Variants in FRYL observed in about 807,000 individuals in gnomAD.
FRYL encodes FRY like transcription coactivator.
A neutral mutation model predicts 351.2 loss-of-function variants in FRYL; 150 were observed. The observed-to-expected ratio is 0.43, with a 90% CI of 0.37 to 0.49. The LOEUF (loss-of-function observed/expected upper bound fraction) is 0.49. Ranked by LOEUF, FRYL falls within the 20% of genes least tolerant of loss-of-function variation. The pLI, the probability that FRYL is intolerant of heterozygous loss-of-function variation, is 0.00. For synonymous variants in FRYL, 1,153 were observed against 1,257.1 expected (o/e 0.92, Z 1.75); for missense variants, 3,036 against 3,619.3 (o/e 0.84, Z 4.13).
intron 1 of FRYL, among the ~76,000 whole-genome samples, chr4:48,772,554 G>A (rs1775619845): frequency 6.6e-6 from 1 of 151,886 alleles, no homozygotes; most frequent in Admixed American, 6.6e-5. Flanking sequence ...CAGTATTATA[G>A]ATGGCATAAC....
intron 2 of FRYL, among the ~76,000 whole-genome samples, chr4:48,687,509 A>AGGGGGGGGGGGGGGGGGGGGGGGGGGG (rs1560861203): frequency 2.0e-4 from 2 of 9,808 alleles, no homozygotes; most frequent in African/African-American, 7.0e-4. Flanking sequence ...GGGGGGGGTG[A>AGGGGGGGGGGGGGGGGGGGGGGGGGGG]GGGGGGAGGG....
At chr4:48,714,971 T>C (rs966279587) in intron 1 of FRYL, among the ~76,000 whole-genome samples, 4 of 151,714 alleles carry the variant, frequency 2.6e-5, no homozygotes, top group African/African-American at 9.7e-5. Context: ...GTTCAATATA[T>C]GCAAATCAAT....
chr4:48,632,108 A>ATATGTATATG lies in FRYL; in HGVS notation c.120+2182_120+2183insCATATACATA, dbSNP rs1553957663. On this transcript the variant is annotated intron_variant, in intron 4 of 63. Transcript: ENST00000358350. The stretch of plus-strand genomic sequence containing the variant: ...AAAAAAAAAATATATATATATATAT[A>ATATGTATATG]TATATATATATATATATATATGCGC... Among the ~76,000 whole-genome samples, 205 of 64,344 alleles carry ATATGTATATG rather than the reference A, an allele frequency of 3.2e-3. 5 individuals carry two copies. Among genetic ancestry groups the ATATGTATATG allele is most frequent in the Non-Finnish European group, 6.3e-3 (185 of 29,442 alleles). 42.2% of individuals were successfully genotyped at this position (64,344 alleles called of 152,430 possible).
At chr4:48,614,643 A>G (rs1748970469) in intron 7 of FRYL, among the ~76,000 whole-genome samples, 1 of 144,004 alleles carries the variant, frequency 6.9e-6, no homozygotes, top group Non-Finnish European at 1.5e-5. Context: ...AACTGCTTGA[A>G]TCAGGGAGGC....
In FRYL at chr4:48,548,777, T is replaced by C; in HGVS notation, c.4801A>G (p.Ile1601Val). ...LPLHRCNIAV[I>V]LLTDLIIDHS... is the part of the protein sequence containing the mutation. ...TCAATGATGAGATCAGTCAAAAGGA[T>C]CACTGCTATGTTACACCTATGACAA... is the stretch of plus-strand genomic sequence containing the variant. Residue 1601 changes from isoleucine (I) to valine (V), a missense_variant, in exon 40 of 64, where the codon ATC becomes GTC. Transcript: ENST00000358350. 6.2e-7 allele frequency: 1 copy of C among 1,605,834 alleles called. No homozygotes were observed.
intron 1 of FRYL, among the ~76,000 whole-genome samples, chr4:48,744,420 A>G (rs2149653668): frequency 6.6e-6 from 1 of 152,368 alleles, no homozygotes; most frequent in East Asian, 1.9e-4. Context: ...TGACAAGGAA[A>G]AAAATGTTAA....
At chr4:48,519,653 C>A (rs1392303207) in intron 55 of FRYL, among the ~76,000 whole-genome samples, 1 of 151,542 alleles carries the variant, frequency 6.6e-6, no homozygotes, top group Non-Finnish European at 1.5e-5. Flanking sequence ...CAGGTGCATG[C>A]CACCAGGCCC....
At chr4:48,635,391 G>C (rs992278280) in intron 3 of FRYL, among the ~76,000 whole-genome samples, 1 of 152,044 alleles carries the variant, frequency 6.6e-6, no homozygotes, top group Non-Finnish European at 1.5e-5. Context: ...CAACAGCACA[G>C]GAAAAAAAGC....
chr4:48,612,693 C>T (rs1046634974), intron 7 of FRYL, among the ~76,000 whole-genome samples: 1 of 152,184 alleles, frequency 6.6e-6, no homozygotes, highest in Admixed American at 6.5e-5. Context: ...ATTCTCCTGC[C>T]TCAGCCTCCC....
At chr4:48,690,416 ACTTT>A (rs1460169018) in intron 2 of FRYL, among the ~76,000 whole-genome samples, 1 of 151,926 alleles carries the variant, frequency 6.6e-6, no homozygotes, top group African/African-American at 2.4e-5. Flanking sequence ...TCATATGGAG[ACTTT>A]CTTTACTGAT....
intron 3 of FRYL, among the ~76,000 whole-genome samples, chr4:48,641,951 C>T (rs945187484): frequency 7.2e-5 from 11 of 152,068 alleles, no homozygotes; most frequent in Non-Finnish European, 1.3e-4. Flanking sequence ...AATTTGTCAT[C>T]CAATTGTAAC....
intron 1 of FRYL, among the ~76,000 whole-genome samples, chr4:48,772,130 T>C (rs889966840): frequency 1.2e-4 from 19 of 152,246 alleles, no homozygotes; most frequent in Non-Finnish European, 2.5e-4. Context: ...GGTATAAGTA[T>C]TAATAATGTA....
intron 3 of FRYL, chr4:48,653,736 C>G (rs1758181747): frequency 3.1e-6 from 4 of 1,290,582 alleles, no homozygotes; most frequent in African/African-American, 1.5e-5. Flanking sequence ...AGGACTTTAA[C>G]AAGGACTTTA....
At chr4:48,719,294 C>G (rs1207933600) in intron 1 of FRYL, among the ~76,000 whole-genome samples, 1 of 151,658 alleles carries the variant, frequency 6.6e-6, no homozygotes, top group Non-Finnish European at 1.5e-5. Context: ...TTCCTACACA[C>G]AGATCTAACG....
intron 3 of FRYL, among the ~76,000 whole-genome samples, chr4:48,673,024 C>T (rs1215051420): frequency 6.6e-6 from 1 of 152,186 alleles, no homozygotes; most frequent in Non-Finnish European, 1.5e-5. Context: ...AGTGCTACAT[C>T]GTGGGTTGTC....
chr4:48,731,152 A>G (rs1234408354), intron 1 of FRYL, among the ~76,000 whole-genome samples: 1 of 152,194 alleles, frequency 6.6e-6, no homozygotes, highest in African/African-American at 2.4e-5. Flanking sequence ...AAAGAGATCA[A>G]TTCAACAAGA....
intron 1 of FRYL, among the ~76,000 whole-genome samples, chr4:48,763,858 A>T (rs1366659532): frequency 6.6e-6 from 1 of 152,174 alleles, no homozygotes; most frequent in Non-Finnish European, 1.5e-5. Flanking sequence ...AGATTCCACA[A>T]AAACCAATTA....
intron 1 of FRYL, among the ~76,000 whole-genome samples, chr4:48,754,405 T>C (rs1044132146): frequency 4.6e-5 from 7 of 152,234 alleles, no homozygotes; most frequent in Admixed American, 3.3e-4. Context: ...ATTTGGGTTG[T>C]TTCTACATTT....
intron 47 of FRYL, 70 bp from the exon 48 acceptor site, chr4:48,535,897 A>C: frequency 8.8e-7 from 1 of 1,132,378 alleles, no homozygotes; most frequent in Non-Finnish European, 1.2e-6. Context: ...TTTATGCTAA[A>C]TGTATTCGCT....
Sources: gnomAD v4.1 joint callset for allele counts (sites outside exome capture counted in the v4.1 genomes callset) on GRCh38, gnomAD v4.1.1 for gene constraint, MANE v1.5 for transcripts, NCBI Gene and HGNC (gene_info 2026-07-23, HGNC 2026-07-21) for gene names.